Variants in PPP4R3A observed in about 807,000 individuals in gnomAD.
PPP4R3A encodes the protein serine/threonine-protein phosphatase 4 regulatory subunit 3A.
Under a neutral mutation model 91.7 loss-of-function variants are expected in PPP4R3A, and 15 were observed. That is an observed-to-expected ratio of 0.16 (90% CI 0.11 to 0.25). The LOEUF is 0.25. PPP4R3A is among the 10% of genes least tolerant of loss of function. The pLI, the probability that PPP4R3A is intolerant of heterozygous loss-of-function variation, is 1.00. For synonymous variants in PPP4R3A, 377 were observed against 348.7 expected (o/e 1.08, Z -0.91); for missense variants, 623 against 998.4 (o/e 0.62, Z 5.07).
chr14:91,499,445 C>T (rs560051298), intron 1 of PPP4R3A, among the ~76,000 whole-genome samples: 41 of 151,604 alleles, frequency 2.7e-4, no homozygotes, highest in African/African-American at 8.7e-4. Flanking sequence ...AATTGATGTC[C>T]CAAATATACT....
In PPP4R3A at chr14:91,458,252, G is replaced by GC. The variant is rs961649790; in HGVS notation, c.*506dup. ...TAAAAAAGAGGAAAACTTTATACTC[G>GC]CCCCTCCCCCACAGAGGTTTTCCAA... On this transcript the variant is annotated 3_prime_UTR_variant, in exon 15 of 15. Transcript: ENST00000554943. The GC allele has an allele frequency of 3.2e-5, 5 of 155,742 alleles. No homozygotes were observed. Among genetic ancestry groups the GC allele is most frequent in the African/African-American group, 9.7e-5 (4 of 41,366 alleles). 9.6% of individuals were successfully genotyped at this position (155,742 alleles called of 1,614,324 possible). A position where few individuals can be genotyped will look rare whatever the true frequency, so the allele number is the denominator to read the frequency against.
At chr14:91,493,496 T>C (rs1046932275) in intron 1 of PPP4R3A, among the ~76,000 whole-genome samples, 1 of 149,644 alleles carries the variant, frequency 6.7e-6, no homozygotes, top group Non-Finnish European at 1.5e-5. Context: ...TAAGAGATCC[T>C]GTCTCAAAAA....
chr14:91,510,018 C>A lies in PPP4R3A; in HGVS notation c.-371G>T. On this transcript the variant is annotated 5_prime_UTR_variant, in exon 1 of 15. Transcript: ENST00000554943. ...ATGATCTCCGCGAAGCAGCTTCCCG[C>A]GCCGCCGCCGCCTCCTCAGGCCGCC... 1.1e-6 allele frequency: 1 copy of A among 893,252 alleles called. No homozygotes were observed. The highest frequency in any genetic ancestry group is 1.3e-6 in the Non-Finnish European group (1 of 742,688). The allele number at this position is 893,252 out of a possible 1,614,324, so 55.3% of individuals were successfully genotyped here. A position where few individuals can be genotyped will look rare whatever the true frequency, so the allele number is the denominator to read the frequency against.
At chr14:91,475,679 G>A (rs1715275019) in intron 7 of PPP4R3A, 132 bp downstream of exon 7, 1 of 810,280 alleles carries the variant, frequency 1.2e-6, no homozygotes, top group South Asian at 2.1e-5. Context: ...CCAATTTAGG[G>A]GAACAATAAG....
chr14:91,470,735 G>C, intron 10 of PPP4R3A, 102 bp downstream of exon 10: 2 of 1,345,562 alleles, frequency 1.5e-6, no homozygotes, highest in South Asian at 1.3e-5. Flanking sequence ...TTACGACCTA[G>C]ATCTCCTGAC....
intron 9 of PPP4R3A, among the ~76,000 whole-genome samples, chr14:91,472,807 G>C (rs1241920021): frequency 9.0e-6 from 1 of 110,728 alleles, no homozygotes; most frequent in Non-Finnish European, 1.9e-5. Context: ...TAATTCTCCA[G>C]GTTGCTTTTG....
At chr14:91,477,130 G>C in intron 4 of PPP4R3A, 144 bp from the exon 5 acceptor site, 1 of 584,974 alleles carries the variant, frequency 1.7e-6, no homozygotes, top group Non-Finnish European at 2.8e-6. Context: ...TTTTTTAACA[G>C]AAGGAAAAAC....
intron 2 of PPP4R3A, among the ~76,000 whole-genome samples, chr14:91,490,502 G>A (rs1293133605): frequency 6.6e-6 from 1 of 151,804 alleles, no homozygotes; most frequent in African/African-American, 2.4e-5. Flanking sequence ...GTAAAAACAA[G>A]GAAATTTTAG....
At chr14:91,483,940 A>G (rs1237042628) in intron 3 of PPP4R3A, among the ~76,000 whole-genome samples, 1 of 152,236 alleles carries the variant, frequency 6.6e-6, no homozygotes, top group African/African-American at 2.4e-5. Context: ...TGAGTTACAC[A>G]TTGGCATAAA....
chr14:91,487,793 G>A (rs1306172052), intron 2 of PPP4R3A, among the ~76,000 whole-genome samples: 6 of 152,126 alleles, frequency 3.9e-5, no homozygotes, highest in African/African-American at 1.4e-4. Flanking sequence ...AAGGCTCACT[G>A]CAGCCTCTAC....
At chr14:91,505,639 A>G (rs1227545929) in intron 1 of PPP4R3A, among the ~76,000 whole-genome samples, 2 of 152,234 alleles carry the variant, frequency 1.3e-5, no homozygotes, top group African/African-American at 2.4e-5. Flanking sequence ...TTTGTTCTAA[A>G]GAAATAATCT....
intron 7 of PPP4R3A, 88 bp from the exon 8 acceptor site, chr14:91,473,458 C>T (rs1382084854): frequency 7.3e-7 from 1 of 1,373,422 alleles, no homozygotes; most frequent in Non-Finnish European, 9.8e-7. Flanking sequence ...AGCATTATAC[C>T]TAGGCTCTAG....
chr14:91,461,222 CCTTTATAT>C (rs1233107869), intron 14 of PPP4R3A, among the ~76,000 whole-genome samples, 151 bp downstream of exon 14: 49 of 152,138 alleles, frequency 3.2e-4, no homozygotes, highest in African/African-American at 9.9e-4. Flanking sequence ...AATTTCTCAA[CCTTTATAT>C]AAGTTCAAGC....
rs570246034 is a variant in PPP4R3A, at chr14:91,467,127, G to T, written c.1661-1708C>A. Among the ~76,000 whole-genome samples the T allele has an allele frequency of 2.0e-5, 3 of 152,182 alleles. No homozygotes were observed. In the East Asian group the frequency reaches 5.8e-4, roughly 29 times the overall value. The stretch of plus-strand genomic sequence containing the variant: ...AGGTTCTAGTGGTCTTTTTGTTTTG[G>T]TCCTTATTTCCATTTGCTCTTACAT... On this transcript the variant is annotated intron_variant, in intron 10 of 14. Transcript: ENST00000554943.
intron 14 of PPP4R3A, among the ~76,000 whole-genome samples, chr14:91,460,168 C>T (rs1888035832): frequency 1.3e-5 from 2 of 152,196 alleles, no homozygotes; most frequent in African/African-American, 2.4e-5. Flanking sequence ...CCCGCCACCA[C>T]ACGCGGCTAA....
At chr14:91,468,879 A>G (rs1464283636) in intron 10 of PPP4R3A, among the ~76,000 whole-genome samples, 1 of 151,934 alleles carries the variant, frequency 6.6e-6, no homozygotes, top group South Asian at 2.1e-4. Flanking sequence ...TATTTCCACT[A>G]TGCATCCAAA....
chr14:91,468,545 T>C (rs1888619469), intron 10 of PPP4R3A, among the ~76,000 whole-genome samples: 2 of 151,264 alleles, frequency 1.3e-5, no homozygotes, highest in Non-Finnish European at 2.9e-5. Flanking sequence ...GGTGCGCTCC[T>C]GTAATCCCAG....
At chr14:91,467,628 A>T (rs961883511) in intron 10 of PPP4R3A, among the ~76,000 whole-genome samples, 1 of 152,112 alleles carries the variant, frequency 6.6e-6, no homozygotes, top group Non-Finnish European at 1.5e-5. Context: ...AGTATGAGCT[A>T]AAGGGCTACA....
chr14:91,501,969 A>G (rs2896177), intron 1 of PPP4R3A, among the ~76,000 whole-genome samples: 72,840 of 147,436 alleles, frequency 0.49, 18,123 homozygotes, highest in Admixed American at 0.54. Context: ...TGATCTGCCC[A>G]TCTCGGCCTC....
Sources: gnomAD v4.1 joint callset for allele counts (sites outside exome capture counted in the v4.1 genomes callset) on GRCh38, gnomAD v4.1.1 for gene constraint, MANE v1.5 for transcripts, NCBI Gene and HGNC (gene_info 2026-07-23, HGNC 2026-07-21) for gene names.